The following ZC3H15 variants were observed in gnomAD, a reference collection of about 807,000 sequenced individuals.
ZC3H15 encodes zinc finger CCCH-type containing 15.
Under a neutral mutation model 51.2 loss-of-function variants are expected in ZC3H15, and 15 were observed. The ratio of observed to expected loss-of-function variants is 0.29; its 90% CI spans 0.20 to 0.45. ZC3H15 has a LOEUF of 0.45. Ranked by LOEUF, ZC3H15 falls within the 20% of genes least tolerant of loss-of-function variation. The probability of loss-of-function intolerance (pLI) is 1.00; values close to 1 mark genes in which losing one functional copy is unlikely to be tolerated. For missense variants in ZC3H15, 381 were observed against 494.7 expected, an observed-to-expected ratio of 0.77 and a Z score of 2.18; for synonymous variants, 144 against 162.8, an observed-to-expected ratio of 0.88 and a Z score of 0.88.
At chr2:186,506,016 A>AT (rs1425241003) in intron 8 of ZC3H15, 175 bp downstream of exon 8, 1 of 713,094 alleles carries the variant, frequency 1.4e-6, no homozygotes, top group Non-Finnish European at 2.5e-6. Flanking sequence ...GGACATAATG[A>AT]TTATCTCTAC....
rs371813353 is a variant in ZC3H15 at position 186,486,487 on chromosome 2, C to T, written c.75+30C>T. 1.3e-5 allele frequency: 20 copies of T among 1,522,426 alleles called. No homozygotes were observed. The African/African-American group carries it at 2.2e-4, about 17-fold the overall frequency. The allele number at this position is 1,522,426 out of a possible 1,614,324, so 94.3% of individuals were successfully genotyped here. On this transcript the variant is annotated intron_variant, in intron 1 of 9. Coordinates refer to ENST00000337859, the MANE Select transcript of ZC3H15 (RefSeq NM_018471.3). ...GTACCCACCCCTCCCCCACTCACGC[C>T]GCGAGCCCTCCGGAAAGCCACTTCC...
At chr2:186,496,555 A>C (rs974319924) in intron 2 of ZC3H15, among the ~76,000 whole-genome samples, 10 of 152,194 alleles carry the variant, frequency 6.6e-5, no homozygotes, top group Non-Finnish European at 1.0e-4. Context: ...CATTTATCCA[A>C]CTGAAATACC....
At chr2:186,486,486 C>A in intron 1 of ZC3H15, 29 bp downstream of exon 1, 1 of 1,524,104 alleles carries the variant, frequency 6.6e-7, no homozygotes, top group Non-Finnish European at 8.8e-7. Flanking sequence ...CCCACTCACG[C>A]CGCGAGCCCT....
rs1045709067 is a variant in ZC3H15, at chr2:186,500,367, T to C, written c.289+74T>C. On this transcript the variant is annotated intron_variant, in intron 3 of 9. Transcript: ENST00000337859. Reference sequence around the variant, plus strand: ...GCTAAAAACTATTTATTTTGATGTTTATTTTCTTTAGATAATGAGACAGTT... The same window carrying C: ...GCTAAAAACTATTTATTTTGATGTTCATTTTCTTTAGATAATGAGACAGTT... 1.1e-5 allele frequency: 14 copies of C among 1,229,184 alleles called. No individual in the cohort carries two copies. In the Admixed American group the frequency reaches 1.2e-4, roughly 11 times the overall value. 76.1% of individuals were successfully genotyped at this position (1,229,184 alleles called of 1,614,324 possible).
At position 186,495,320 on chromosome 2, in the gene ZC3H15, CA is replaced by C; in HGVS notation, c.167del (p.Asn56IlefsTer5). ...AVTHQVKFGQ[Q>X]NPRQVAQSEA... ...CACACATCAAGTTAAATTTGGTCAA[CA>C]AAATCCACGTCAGGTAAGTAATTTA... On this transcript the variant is annotated frameshift_variant, in exon 2 of 10. Transcript: ENST00000337859. LOFTEE classifies it high-confidence loss of function. 6.5e-7 allele frequency: 1 copy of C among 1,530,802 alleles called. No individual in the cohort carries two copies. The highest frequency in any genetic ancestry group is 2.1e-5 in the Admixed American group (1 of 47,168). 94.8% of individuals were successfully genotyped at this position (1,530,802 alleles called of 1,614,324 possible).
chr2:186,506,739 C>T lies in ZC3H15; in HGVS notation c.993C>T (p.Asp331=). The part of the protein sequence containing the change: ...DEVDDSVSVN[D]IDLSLYIPRD... ...TTGATGATTCAGTGAGTGTAAATGA[C>T]ATAGATTTAAGCCTGTACATCCCAA... Residue 331 remains aspartate, a synonymous_variant, in exon 9 of 10, where the codon GAC becomes GAT. Transcript: ENST00000337859. The T allele has an allele frequency of 6.2e-7, 1 of 1,612,662 alleles. No homozygotes were observed. Among genetic ancestry groups the T allele is most frequent in the Non-Finnish European group, 8.5e-7 (1 of 1,179,184 alleles).
At chr2:186,487,032 T>TAA (rs1685107696) in intron 1 of ZC3H15, 1 of 152,538 alleles carries the variant, frequency 6.6e-6, no homozygotes, top group African/African-American at 2.4e-5. Flanking sequence ...GCTTGGTACT[T>TAA]ACATTCTGAA....
chr2:186,508,507 C>A, intron 9 of ZC3H15, 36 bp from the exon 10 acceptor site: 2 of 1,591,284 alleles, frequency 1.3e-6, no homozygotes, highest in Admixed American at 1.7e-5. Flanking sequence ...GTGTTTTCTG[C>A]TTCTACGCCT....
intron 2 of ZC3H15, among the ~76,000 whole-genome samples, chr2:186,496,312 G>T (rs1480780703): frequency 6.6e-6 from 1 of 152,148 alleles, no homozygotes; most frequent in Non-Finnish European, 1.5e-5. Flanking sequence ...CTGCCTCCTG[G>T]GTTCAAGCCA....
rs916746727 is a variant in ZC3H15, at chr2:186,507,377, C to T, written c.1090+541C>T. 3 of 456,426 alleles carry T rather than the reference C, an allele frequency of 6.6e-6. No homozygotes were observed. The Admixed American group carries it at 7.1e-5, about 11-fold the overall frequency. 28.3% of individuals were successfully genotyped at this position (456,426 alleles called of 1,614,324 possible). On this transcript the variant is annotated intron_variant, in intron 9 of 9. Coordinates refer to ENST00000337859, the MANE Select transcript of ZC3H15 (RefSeq NM_018471.3). Reference sequence around the variant, plus strand: ...TGAGAAGAAAAATGAATACAGTCCTCTCTCTCTTAATGTTTAGAGGGAAGA... The same window carrying T: ...TGAGAAGAAAAATGAATACAGTCCTTTCTCTCTTAATGTTTAGAGGGAAGA...
intron 1 of ZC3H15, among the ~76,000 whole-genome samples, chr2:186,492,229 C>T (rs1685211604): frequency 6.6e-6 from 1 of 152,180 alleles, no homozygotes; most frequent in Non-Finnish European, 1.5e-5. Flanking sequence ...CCTCCTCTCC[C>T]TCCCGTGAGA....
chr2:186,505,947 G>A (rs572502699), intron 8 of ZC3H15, 106 bp downstream of exon 8: 9 of 1,142,656 alleles, frequency 7.9e-6, no homozygotes, highest in South Asian at 4.0e-5. Flanking sequence ...CAGTGCCTGG[G>A]TTCAAATCCT....
Position 186,504,293 on chromosome 2 carries a change from A to G in ZC3H15, c.717+79A>G, listed in dbSNP as rs911399877. 5.8e-6 allele frequency: 7 copies of G among 1,213,662 alleles called. No individual in the cohort carries two copies. In the African/African-American group the frequency reaches 6.4e-5, roughly 11 times the overall value. The allele number at this position is 1,213,662 out of a possible 1,614,324, so 75.2% of individuals were successfully genotyped here. On this transcript the variant is annotated intron_variant, in intron 6 of 9. Coordinates refer to ENST00000337859, the MANE Select transcript of ZC3H15 (RefSeq NM_018471.3). ...ATTCTAATACTTACCACTTGGGGCA[A>G]TAGCCTTTTATGAAAGGAAAAAAAA...
At chr2:186,508,026 A>G (rs905413542) in intron 9 of ZC3H15, among the ~76,000 whole-genome samples, 5 of 152,226 alleles carry the variant, frequency 3.3e-5, no homozygotes, top group Non-Finnish European at 7.3e-5. Flanking sequence ...TTTATAACCT[A>G]TAAGAAAAAG....
intron 8 of ZC3H15, 185 bp downstream of exon 8, chr2:186,506,026 C>T: frequency 1.4e-6 from 1 of 698,628 alleles, no homozygotes; most frequent in Non-Finnish European, 2.6e-6. Context: ...ATTATCTCTA[C>T]ATCATAGTTT....
At chr2:186,488,572 G>A (rs1685143664) in intron 1 of ZC3H15, 1 of 152,186 alleles carries the variant, frequency 6.6e-6, no homozygotes, top group South Asian at 2.1e-4. Context: ...TGTGTTTAGT[G>A]TCTCTCTCTA....
At chr2:186,507,185 T>C (rs531740537) in intron 9 of ZC3H15, among the ~76,000 whole-genome samples, 4 of 152,108 alleles carry the variant, frequency 2.6e-5, no homozygotes, top group African/African-American at 7.2e-5. Context: ...TGTTATGGGG[T>C]AAGTAAAAGA....
intron 2 of ZC3H15, 92 bp from the exon 3 acceptor site, chr2:186,500,090 A>G (rs751471504): frequency 2.9e-6 from 3 of 1,020,404 alleles, no homozygotes; most frequent in Non-Finnish European, 4.3e-6. Context: ...GACTGTAAAT[A>G]TGCAAGTGTC....
At chr2:186,500,390 G>A (rs1186325445) in intron 3 of ZC3H15, 97 bp downstream of exon 3, 5 of 1,032,762 alleles carry the variant, frequency 4.8e-6, no homozygotes, top group Non-Finnish European at 7.1e-6. Flanking sequence ...TAATGAGACA[G>A]TTATGTCTGA....
Sources: gnomAD v4.1 joint callset for allele counts (sites outside exome capture counted in the v4.1 genomes callset) on GRCh38, gnomAD v4.1.1 for gene constraint, MANE v1.5 for transcripts, NCBI Gene and HGNC (gene_info 2026-07-23, HGNC 2026-07-21) for gene names.